TMC1: variants seen among roughly 807,000 people sequenced by gnomAD.
The protein encoded by TMC1 is transmembrane channel like 1, also known as transmembrane channel-like protein 1.
TMC1 carries 84 observed loss-of-function variants against 105.8 expected under a neutral mutation model. That is an observed-to-expected ratio of 0.79 (90% CI 0.67 to 0.95). The LOEUF is 0.95. Among genes scored for constraint, TMC1 ranks in the 40% least tolerant of loss-of-function variants. TMC1 has a pLI of 0.00. For missense variants in TMC1, 817 were observed against 914.1 expected (o/e 0.89, Z 1.37); for synonymous variants, 315 against 311.5 (o/e 1.01, Z -0.12).
chr9:72,820,893 C>T lies in TMC1; in HGVS notation c.1815C>T (p.Leu605=). Residue 605 remains leucine, a synonymous_variant, in exon 20 of 24, where the codon CTC becomes CTT. Transcript: ENST00000297784. The part of the protein sequence containing the change: ...PSLPGINILR[L]HTSMYFQCWA... Reference sequence around the variant, plus strand: ...TCCCAGGCATCAATATCCTTCGACTCCATACATCCATGTACTTCCAGTGCT... The same window carrying T: ...TCCCAGGCATCAATATCCTTCGACTTCATACATCCATGTACTTCCAGTGCT... 1.9e-6 allele frequency: 3 copies of T among 1,614,190 alleles called. No homozygotes were observed. Among genetic ancestry groups the T allele is most frequent in the Non-Finnish European group, 2.5e-6 (3 of 1,180,030 alleles).
intron 5 of TMC1, among the ~76,000 whole-genome samples, chr9:72,671,003 C>A (rs1826119718): frequency 2.6e-5 from 4 of 151,992 alleles, no homozygotes; most frequent in African/African-American, 9.7e-5. Flanking sequence ...CAGCTGAGGC[C>A]ACTATAACAA....
At chr9:72,807,353 T>A (rs1828622668) in intron 18 of TMC1, among the ~76,000 whole-genome samples, 1 of 152,202 alleles carries the variant, frequency 6.6e-6, no homozygotes, top group African/African-American at 2.4e-5. Context: ...GAGAAAGGCA[T>A]CATAGAGTTT....
At chr9:72,712,752 C>A (rs963527251) in intron 8 of TMC1, among the ~76,000 whole-genome samples, 2 of 152,122 alleles carry the variant, frequency 1.3e-5, no homozygotes, top group Non-Finnish European at 2.9e-5. Context: ...AACTGAATAC[C>A]CTTTATTCCT....
chr9:72,621,604 TA>T (rs1436699118), intron 3 of TMC1, among the ~76,000 whole-genome samples: 1 of 152,168 alleles, frequency 6.6e-6, no homozygotes, highest in Non-Finnish European at 1.5e-5. Context: ...ATAAGCAAAC[TA>T]AAATCACTCT....
rs554328507 is a variant in TMC1 at position 72,669,992 on chromosome 9, G to A, written c.17-18717G>A. ...GCCAGGGTGCAGAGAGAAGGGTTGC[G>A]AATGGAAACTATTGCTCTTTCTGAG... is the stretch of plus-strand genomic sequence containing the variant. On this transcript the variant is annotated intron_variant, in intron 5 of 23. Transcript: ENST00000297784. 7.2e-5 allele frequency among the ~76,000 whole-genome samples: 11 copies of A among 152,238 alleles called. 1 individual carries two copies. In the East Asian group the frequency reaches 9.7e-4, roughly 13 times the overall value.
At chr9:72,609,111 C>T (rs1824977565) in intron 2 of TMC1, among the ~76,000 whole-genome samples, 2 of 152,012 alleles carry the variant, frequency 1.3e-5, no homozygotes, top group Admixed American at 1.3e-4. Flanking sequence ...CTCACACCTC[C>T]CTCTCTTCCT....
chr9:72,558,665 C>T (rs751218531), intron 1 of TMC1, among the ~76,000 whole-genome samples: 4 of 152,154 alleles, frequency 2.6e-5, no homozygotes, highest in South Asian at 2.1e-4. Flanking sequence ...TTTGAAAAAT[C>T]GGGATGATAA....
chr9:72,582,916 T>C (rs1192228825), intron 2 of TMC1, among the ~76,000 whole-genome samples: 1 of 152,120 alleles, frequency 6.6e-6, no homozygotes, highest in African/African-American at 2.4e-5. Flanking sequence ...ATGTTTTCAT[T>C]GTCATTACAA....
At chr9:72,560,027 G>T (rs1233036678) in intron 1 of TMC1, among the ~76,000 whole-genome samples, 1 of 152,132 alleles carries the variant, frequency 6.6e-6, no homozygotes, top group Non-Finnish European at 1.5e-5. Context: ...GGAGCCTCTG[G>T]GCCTGATATC....
intron 18 of TMC1, among the ~76,000 whole-genome samples, chr9:72,806,440 C>A (rs1046013574): frequency 6.7e-6 from 1 of 149,534 alleles, no homozygotes; most frequent in Non-Finnish European, 1.5e-5. Flanking sequence ...GGCTGCCGGG[C>A]GGAGACGCTC....
chr9:72,699,857 T>C (rs1219651949), intron 7 of TMC1, among the ~76,000 whole-genome samples: 1 of 146,084 alleles, frequency 6.8e-6, no homozygotes, highest in African/African-American at 2.6e-5. Context: ...CTGGGGAGCC[T>C]GAGGCAGGAG....
rs544395797 is a variant in TMC1, at chr9:72,821,212, G to A, written c.2003+131G>A. ...TTTTGGTTGGTGGAAATGAGATCCC[G>A]GCTGGGCGCAGTGGCTCATGCCTGT... is the stretch of plus-strand genomic sequence containing the variant. On this transcript the variant is annotated intron_variant, in intron 20 of 23. Transcript: ENST00000297784. 861 of 1,416,176 alleles carry A rather than the reference G, an allele frequency of 6.1e-4. 1 individual carries two copies. The highest frequency in any genetic ancestry group is 7.9e-4 in the Non-Finnish European group (798 of 1,013,062). 87.7% of individuals were successfully genotyped at this position (1,416,176 alleles called of 1,614,324 possible).
At position 72,561,717 on chromosome 9, in the gene TMC1, A is replaced by G. The variant is rs1824053930; in HGVS notation, c.-427-16185A>G. 2.0e-5 allele frequency among the ~76,000 whole-genome samples: 3 copies of G among 152,346 alleles called. No individual in the cohort carries two copies. In the East Asian group the frequency reaches 5.8e-4, roughly 29 times the overall value. ...AAAGGTCAGCAGAGGTAGTGAGTTCAGAACTGGGATTTAAATCCAGGCTGT... is the reference window on the plus strand; with the variant it reads ...AAAGGTCAGCAGAGGTAGTGAGTTCGGAACTGGGATTTAAATCCAGGCTGT... On this transcript the variant is annotated intron_variant, in intron 1 of 23. Transcript: ENST00000297784.
chr9:72,791,956 A>T lies in TMC1; in HGVS notation c.1295A>T (p.Asp432Val), dbSNP rs928648519. The change falls in exon 16 of 24, where the codon GAC becomes GTC. Residue 432 changes from aspartate (D) to valine (V), a missense_variant. Transcript: ENST00000297784. ...TLFDLFAELE[D>V]YHPLIALKWL... ...TTTGACTTATTTGCTGAATTAGAAG[A>T]CTACCATCCTCTCATCGCTTTGAAA... is the stretch of plus-strand genomic sequence containing the variant. The T allele has an allele frequency of 6.2e-7, 1 of 1,613,984 alleles. No homozygotes were observed. Among genetic ancestry groups the T allele is most frequent in the South Asian group, 1.1e-5 (1 of 91,070 alleles).
rs79306056 is a variant in TMC1, at chr9:72,572,442, G to A, written c.-427-5460G>A. ...ACTGCTGGCTTCGAGCAATTTGCCC[G>A]CCTTGGCCTCCAAACTCTCTTTATT... On this transcript the variant is annotated intron_variant, in intron 1 of 23. Transcript: ENST00000297784. Among the ~76,000 whole-genome samples, 344 of 152,166 alleles carry A rather than the reference G, an allele frequency of 2.3e-3. 3 individuals carry two copies. The highest frequency in any genetic ancestry group is 8.0e-3 in the African/African-American group (331 of 41,520).
At chr9:72,648,025 C>G (rs866460076) in intron 4 of TMC1, among the ~76,000 whole-genome samples, 1 of 152,156 alleles carries the variant, frequency 6.6e-6, no homozygotes. Context: ...AAAAATAGCA[C>G]TTTCTTCATA....
intron 4 of TMC1, chr9:72,628,425 C>G (rs1262672532): frequency 5.1e-6 from 1 of 195,160 alleles, no homozygotes; most frequent in Non-Finnish European, 1.1e-5. Context: ...GGAAGGCACA[C>G]ATGAATCATG....
At chr9:72,747,015 C>T (rs987345342) in intron 10 of TMC1, among the ~76,000 whole-genome samples, 3 of 152,074 alleles carry the variant, frequency 2.0e-5, no homozygotes, top group Non-Finnish European at 4.4e-5. Context: ...ATTATTAAGA[C>T]CATAAATTAA....
At chr9:72,825,297 C>T (rs1828935020) in intron 20 of TMC1, among the ~76,000 whole-genome samples, 1 of 152,126 alleles carries the variant, frequency 6.6e-6, no homozygotes, top group Admixed American at 6.5e-5. Flanking sequence ...TCTAGAGTGG[C>T]GCTATGCCTA....
Sources: gnomAD v4.1 joint callset for allele counts (sites outside exome capture counted in the v4.1 genomes callset) on GRCh38, gnomAD v4.1.1 for gene constraint, MANE v1.5 for transcripts, NCBI Gene and HGNC (gene_info 2026-07-23, HGNC 2026-07-21) for gene names.